The following CYP3A7 variants were observed in gnomAD, a reference collection of about 807,000 sequenced individuals.
CYP3A7 encodes the protein cytochrome P450 3A7.
A neutral mutation model predicts 55.2 loss-of-function variants in CYP3A7; 45 were observed. The ratio of observed to expected loss-of-function variants is 0.82; its 90% CI spans 0.64 to 1.05. The LOEUF is 1.05. Among genes scored for constraint, CYP3A7 ranks in the 50% least tolerant of loss-of-function variants. The pLI is 0.00. For synonymous variants in CYP3A7, 180 were observed against 207.4 expected, an observed-to-expected ratio of 0.87 and a Z score of 1.13; for missense variants, 548 against 605.3, an observed-to-expected ratio of 0.91 and a Z score of 0.99.
chr7:99,715,752 A>G lies in CYP3A7; in HGVS notation c.670+6T>C, dbSNP rs1671600001. ...GGGAGAGAAAAGGAAATAGTAGTCC[A>G]CATACTTATTGAGAGAACGAATGGA... On this transcript the variant is annotated splice_donor_region_variant and intron_variant, in intron 7 of 12. Coordinates refer to ENST00000336374, the MANE Select transcript of CYP3A7 (RefSeq NM_000765.5). 1.9e-5 allele frequency: 31 copies of G among 1,613,606 alleles called. No individual in the cohort carries two copies. Among genetic ancestry groups the G allele is most frequent in the Non-Finnish European group, 2.5e-5 (30 of 1,179,716 alleles).
intron 9 of CYP3A7, 44 bp downstream of exon 9, chr7:99,713,425 T>G (rs1271257223): frequency 1.7e-5 from 27 of 1,612,258 alleles, no homozygotes; most frequent in Admixed American, 5.0e-5. Flanking sequence ...AAACCTTCCC[T>G]CTGAGTGCCC....
chr7:99,710,373 G>A (rs753583024), intron 10 of CYP3A7, among the ~76,000 whole-genome samples: 1 of 152,168 alleles, frequency 6.6e-6, no homozygotes, highest in Non-Finnish European at 1.5e-5. Context: ...GGCTCCATCA[G>A]ATCACAGCCA....
chr7:99,706,348 T>G (rs6965239), intron 12 of CYP3A7, among the ~76,000 whole-genome samples: 1 of 152,176 alleles, frequency 6.6e-6, no homozygotes, highest in Non-Finnish European at 1.5e-5. Context: ...TTCCCCATCC[T>G]AGGTGTGCCA....
intron 1 of CYP3A7, among the ~76,000 whole-genome samples, chr7:99,732,390 AT>A (rs140858352): frequency 1.3e-5 from 2 of 151,580 alleles, no homozygotes; most frequent in African/African-American, 2.4e-5. Context: ...CCACCCTGAG[AT>A]TTTTTTTTAT....
chr7:99,723,185 C>T (rs1025959544), intron 2 of CYP3A7, among the ~76,000 whole-genome samples: 7 of 152,130 alleles, frequency 4.6e-5, no homozygotes, highest in African/African-American at 1.7e-4. Flanking sequence ...ATGGGTACAT[C>T]CAGATGGCCT....
At chr7:99,728,194 G>A (rs552313349) in intron 2 of CYP3A7, among the ~76,000 whole-genome samples, 97 of 152,194 alleles carry the variant, frequency 6.4e-4, no homozygotes, top group African/African-American at 2.2e-3. Flanking sequence ...AGTCTCACAG[G>A]CCCATTCTAT....
chr7:99,728,059 C>T (rs1490273047), intron 2 of CYP3A7, among the ~76,000 whole-genome samples: 1 of 152,068 alleles, frequency 6.6e-6, no homozygotes, highest in African/African-American at 2.4e-5. Context: ...TACTTCTGTC[C>T]CTCATGGCCA....
chr7:99,712,068 C>A (rs1449280362), intron 9 of CYP3A7, among the ~76,000 whole-genome samples: 1 of 152,140 alleles, frequency 6.6e-6, no homozygotes, highest in Admixed American at 6.5e-5. Context: ...CTTGTGATTG[C>A]AAGTTGGCCC....
intron 6 of CYP3A7, among the ~76,000 whole-genome samples, chr7:99,716,746 G>GA (rs377742657): frequency 1.3e-5 from 2 of 151,648 alleles, no homozygotes; most frequent in African/African-American, 2.4e-5. Context: ...GATACCCTCA[G>GA]AAAAAAAACA....
At chr7:99,721,509 G>A (rs754488869) in intron 3 of CYP3A7, among the ~76,000 whole-genome samples, 2 of 152,150 alleles carry the variant, frequency 1.3e-5, no homozygotes, top group African/African-American at 2.4e-5. Flanking sequence ...TGATAAAAGG[G>A]CATCAAGGGA....
In CYP3A7 at chr7:99,709,165, T is replaced by C. The variant is rs1225650143; in HGVS notation, c.1123A>G (p.Arg375Gly). ...RLFPVAMRLE[R>G]VCKKDVEING... The stretch of plus-strand genomic sequence containing the variant: ...ATTTCAACATCTTTTTTGCAGACCC[T>C]CTCAAGTCTCATAGCAACTGGGAAT... Residue 375 changes from arginine (R) to glycine (G), a missense_variant, in exon 11 of 13, where the codon AGG becomes GGG. Arg to Gly is a moderately radical substitution (Grantham distance 125). Coordinates refer to ENST00000336374, the MANE Select transcript of CYP3A7 (RefSeq NM_000765.5). 1 of 1,614,014 alleles carries C rather than the reference T, an allele frequency of 6.2e-7. No homozygotes were observed. The highest frequency in any genetic ancestry group is 1.3e-5 in the African/African-American group (1 of 75,044).
intron 6 of CYP3A7, 143 bp from the exon 7 acceptor site, chr7:99,716,049 T>C: frequency 6.6e-7 from 1 of 1,511,422 alleles, no homozygotes; most frequent in South Asian, 1.2e-5. Context: ...GCATCTCCCA[T>C]CACACTCCCT....
chr7:99,716,370 A>G (rs1295547264), intron 6 of CYP3A7, among the ~76,000 whole-genome samples: 1 of 152,182 alleles, frequency 6.6e-6, no homozygotes, highest in Non-Finnish European at 1.5e-5. Flanking sequence ...CAACAGTACC[A>G]TGTCCTGAGC....
chr7:99,714,700 C>A lies in CYP3A7; in HGVS notation c.671-18G>T, dbSNP rs1813872899. 1.2e-6 allele frequency: 2 copies of A among 1,606,762 alleles called. No individual in the cohort carries two copies. Among genetic ancestry groups the A allele is most frequent in the Non-Finnish European group, 1.7e-6 (2 of 1,177,446 alleles). On this transcript the variant is annotated intron_variant, in intron 7 of 12. Coordinates refer to ENST00000336374, the MANE Select transcript of CYP3A7 (RefSeq NM_000765.5). ...AAAGACTTCTGTAGAAAAAAAAAACCAACAGAAAACGAAACCATTGTGAAC... is the reference window on the plus strand; with the variant it reads ...AAAGACTTCTGTAGAAAAAAAAAACAAACAGAAAACGAAACCATTGTGAAC...
intron 7 of CYP3A7, 96 bp downstream of exon 7, chr7:99,715,661 TA>T (rs1424045169): frequency 1.3e-6 from 2 of 1,592,254 alleles, no homozygotes; most frequent in African/African-American, 2.7e-5. Flanking sequence ...CATTAAACTG[TA>T]CATTTTAAGT....
intron 2 of CYP3A7, among the ~76,000 whole-genome samples, chr7:99,727,808 T>A (rs1026752032): frequency 1.3e-5 from 2 of 152,230 alleles, no homozygotes; most frequent in African/African-American, 4.8e-5. Flanking sequence ...ATATTTATAC[T>A]GACTCTAAAT....
chr7:99,710,679 A>C, intron 10 of CYP3A7, 53 bp downstream of exon 10: 1 of 1,613,194 alleles, frequency 6.2e-7, no homozygotes, highest in East Asian at 2.2e-5. Flanking sequence ...GTGAGGAAGC[A>C]TCTTTGCTAA....
At chr7:99,717,861 C>T (rs376867206) in intron 4 of CYP3A7, among the ~76,000 whole-genome samples, 22 of 152,304 alleles carry the variant, frequency 1.4e-4, no homozygotes, top group African/African-American at 5.3e-4. Flanking sequence ...CATGCAAATT[C>T]TCCACATGGT....
intron 9 of CYP3A7, among the ~76,000 whole-genome samples, chr7:99,712,959 A>G (rs983115685): frequency 5.9e-5 from 9 of 152,338 alleles, no homozygotes; most frequent in African/African-American, 2.2e-4. Flanking sequence ...AAAGGAAAAA[A>G]TAACTTCATA....
Sources: allele counts gnomAD v4.1 joint callset (sites outside exome capture counted in the v4.1 genomes callset), GRCh38; gene constraint gnomAD v4.1.1; transcripts MANE v1.5; gene names NCBI Gene and HGNC (gene_info 2026-07-23, HGNC 2026-07-21).